SOX6: variants seen among roughly 807,000 people sequenced by gnomAD.
SOX6 encodes the protein SRY-box transcription factor 6.
A neutral mutation model predicts 97.8 loss-of-function variants in SOX6; 11 were observed. The observed-to-expected ratio is 0.11, with a 90% CI of 0.07 to 0.19. SOX6 has a LOEUF of 0.19. Among genes scored for constraint, SOX6 ranks in the 10% least tolerant of loss-of-function variants. SOX6 has a pLI of 1.00. For synonymous variants in SOX6, 360 were observed against 371.4 expected (o/e 0.97, Z 0.35); for missense variants, 810 against 1,039.5 (o/e 0.78, Z 3.04).
Position 16,005,976 on chromosome 11 carries a change from A to C in SOX6, c.1732+8966T>G, listed in dbSNP as rs181818368. ...ATTGAACAAAAACAATTAAAAAAAA[A>C]CCCGCACTCCTAAGTGAGAGGCAAA... On this transcript the variant is annotated intron_variant, in intron 13 of 15. Coordinates refer to ENST00000683767, the MANE Select transcript of SOX6 (RefSeq NM_001367873.1). 3.9e-5 allele frequency among the ~76,000 whole-genome samples: 6 copies of C among 152,034 alleles called. No homozygotes were observed. The East Asian group carries it at 1.2e-3, about 30-fold the overall frequency.
chr11:16,456,596 A>T (rs762700451), intron 1 of SOX6, among the ~76,000 whole-genome samples: 6 of 152,148 alleles, frequency 3.9e-5, no homozygotes, highest in Non-Finnish European at 8.8e-5. Context: ...CAGATGACTT[A>T]AGGTGGCTGT....
upstream of SOX6, among the ~76,000 whole-genome samples, chr11:16,480,505 T>G (rs1860324703): frequency 6.6e-6 from 1 of 152,054 alleles, no homozygotes; most frequent in Non-Finnish European, 1.5e-5. Flanking sequence ...CTACCAAAAA[T>G]AGGTAATAGA....
chr11:16,071,268 C>A (rs1298270265), intron 9 of SOX6, among the ~76,000 whole-genome samples: 2 of 152,088 alleles, frequency 1.3e-5, no homozygotes, highest in Non-Finnish European at 2.9e-5. Context: ...AGGAAACACC[C>A]AGACAGCAGG....
intron 4 of SOX6, among the ~76,000 whole-genome samples, chr11:16,600,852 C>T (rs1261161785): frequency 1.3e-5 from 2 of 152,126 alleles, no homozygotes; most frequent in East Asian, 1.9e-4. Flanking sequence ...TTTCGGATCA[C>T]ATTTGAAAAA....
chr11:16,024,244 G>A (rs1474958359), intron 12 of SOX6, among the ~76,000 whole-genome samples: 2 of 152,060 alleles, frequency 1.3e-5, no homozygotes. Flanking sequence ...CCTTGATCTT[G>A]GACTTCCAGG....
chr11:16,353,911 A>G (rs1463381641), intron 1 of SOX6, among the ~76,000 whole-genome samples: 1 of 152,090 alleles, frequency 6.6e-6, no homozygotes, highest in East Asian at 1.9e-4. Context: ...GATTTCCCAA[A>G]ATTGAGTAGT....
chr11:16,219,646 C>T (rs1852479793), intron 4 of SOX6, among the ~76,000 whole-genome samples: 1 of 151,900 alleles, frequency 6.6e-6, no homozygotes, highest in Non-Finnish European at 1.5e-5. Flanking sequence ...TTTCAAGGCC[C>T]TTATTCATAA....
intron 3 of SOX6, among the ~76,000 whole-genome samples, chr11:16,648,897 C>G (rs1353004715): frequency 6.6e-6 from 1 of 151,804 alleles, no homozygotes; most frequent in African/African-American, 2.4e-5. Flanking sequence ...AAAAATTCTC[C>G]AGAGAAATAG....
At chr11:16,115,532 C>T (rs755092194) in intron 6 of SOX6, among the ~76,000 whole-genome samples, 8 of 152,076 alleles carry the variant, frequency 5.3e-5, no homozygotes, top group Non-Finnish European at 1.0e-4. Context: ...TAAAAAGTTC[C>T]CAGGTGAAGC....
chr11:16,737,120 G>A (rs1326921571), intron 1 of SOX6, among the ~76,000 whole-genome samples: 5 of 152,312 alleles, frequency 3.3e-5, no homozygotes, highest in South Asian at 2.1e-4. Flanking sequence ...CAATTGCTGA[G>A]TTCAAAAGCT....
intron 9 of SOX6, among the ~76,000 whole-genome samples, chr11:16,086,434 G>A (rs1458942915): frequency 6.6e-6 from 1 of 152,148 alleles, no homozygotes; most frequent in Non-Finnish European, 1.5e-5. Context: ...CACAGTTCCC[G>A]CAGACTCCTG....
At chr11:16,706,433 G>C (rs1488040678) in intron 3 of SOX6, among the ~76,000 whole-genome samples, 2 of 100,300 alleles carry the variant, frequency 2.0e-5, no homozygotes, top group Non-Finnish European at 3.7e-5. Flanking sequence ...CTGGGTGAAA[G>C]AGTGAGAACC....
chr11:16,137,743 C>G (rs553115241), intron 6 of SOX6, among the ~76,000 whole-genome samples: 24 of 150,474 alleles, frequency 1.6e-4, no homozygotes, highest in African/African-American at 5.8e-4. Context: ...TCCTATAATC[C>G]CTACGTGCCA....
chr11:16,351,849 T>G (rs1418100591), intron 1 of SOX6, among the ~76,000 whole-genome samples: 4 of 152,116 alleles, frequency 2.6e-5, no homozygotes, highest in African/African-American at 9.7e-5. Context: ...TAAAAATGTA[T>G]AATATCATTA....
chr11:16,668,090 A>C (rs1847820333), intron 3 of SOX6, among the ~76,000 whole-genome samples: 1 of 152,160 alleles, frequency 6.6e-6, no homozygotes, highest in Admixed American at 6.6e-5. Context: ...AAAACATACA[A>C]CAGACCAGCG....
chr11:16,241,433 A>G (rs779265142), intron 3 of SOX6, among the ~76,000 whole-genome samples: 25 of 151,446 alleles, frequency 1.7e-4, no homozygotes, highest in Admixed American at 2.6e-4. Context: ...TCTATCCCCT[A>G]TTTTCTGCTC....
intron 5 of SOX6, 45 bp from the exon 6 acceptor site, chr11:16,183,999 C>T (rs1851407292): frequency 7.9e-6 from 12 of 1,518,566 alleles, no homozygotes; most frequent in African/African-American, 1.4e-5. Context: ...AATGCTTACA[C>T]CTCTGCCATT....
intron 3 of SOX6, among the ~76,000 whole-genome samples, chr11:16,689,932 T>TC (rs1045301809): frequency 2.5e-4 from 38 of 151,338 alleles, no homozygotes; most frequent in Non-Finnish European, 5.3e-4. Flanking sequence ...CCCATGGCTT[T>TC]TTTTTTTTTT....
At chr11:16,710,334 G>T (rs538953300) in intron 3 of SOX6, among the ~76,000 whole-genome samples, 14 of 152,130 alleles carry the variant, frequency 9.2e-5, no homozygotes, top group Non-Finnish European at 1.8e-4. Flanking sequence ...ATAACCCCAC[G>T]TGAGAAGTAC....
Sources: allele counts gnomAD v4.1 joint callset (sites outside exome capture counted in the v4.1 genomes callset), GRCh38; gene constraint gnomAD v4.1.1; transcripts MANE v1.5; gene names NCBI Gene and HGNC (gene_info 2026-07-23, HGNC 2026-07-21).